The following SLC35F4 variants were observed in gnomAD, a reference collection of about 807,000 sequenced individuals.
The protein encoded by SLC35F4 is chromosome 14 open reading frame 36.
In SLC35F4, 24 loss-of-function variants were observed where a neutral mutation model predicts 44.2. The ratio of observed to expected loss-of-function variants is 0.54; its 90% CI spans 0.39 to 0.76. The LOEUF (loss-of-function observed/expected upper bound fraction) is 0.76. SLC35F4 is among the 30% of genes least tolerant of loss of function. The pLI, the probability that SLC35F4 is intolerant of heterozygous loss-of-function variation, is 0.00. For synonymous variants in SLC35F4, 238 were observed against 223.6 expected (o/e 1.06, Z -0.57); for missense variants, 562 against 586.1 (o/e 0.96, Z 0.42).
Position 57,564,009 on chromosome 14 carries a change from G to T in SLC35F4, c.*126C>A. On this transcript the variant is annotated 3_prime_UTR_variant, in exon 8 of 8. Coordinates refer to ENST00000556826, the MANE Select transcript of SLC35F4 (RefSeq NM_001306087.2). ...CATATAAATGTAAACTTTTATTGTT[G>T]GCATTATTTCACATATGATTTATCC... The T allele has an allele frequency of 1.0e-6, 1 of 1,002,126 alleles. No homozygotes were observed. Among genetic ancestry groups the T allele is most frequent in the Non-Finnish European group, 1.4e-6 (1 of 702,264 alleles). The allele number at this position is 1,002,126 out of a possible 1,614,324, so 62.1% of individuals were successfully genotyped here.
intron 1 of SLC35F4, among the ~76,000 whole-genome samples, chr14:57,876,017 C>T (rs1366419293): frequency 6.6e-6 from 1 of 152,132 alleles, no homozygotes; most frequent in Non-Finnish European, 1.5e-5. Context: ...CTTCATTAAG[C>T]AAAATCTGGC....
rs777235868 is a variant in SLC35F4 at position 57,589,401 on chromosome 14, G to A, written c.402C>T (p.Ile134=). ...CCCAAGATGATGATACTGACAAGAT[G>A]ATCAAGAGTCCCCAGATGCCCTTCA... ...MVLKGIWGLL[I]ILSVSSSWVG... is the part of the protein sequence containing the mutation. The change falls in exon 3 of 8, where the codon ATC becomes ATT. Residue 134 remains isoleucine, a synonymous_variant. Transcript: ENST00000556826. 3 of 1,613,990 alleles carry A rather than the reference G, an allele frequency of 1.9e-6. No homozygotes were observed. Among genetic ancestry groups the A allele is most frequent in the Admixed American group, 3.3e-5 (2 of 60,016 alleles).
At chr14:57,720,725 C>A (rs1049751295) in intron 1 of SLC35F4, among the ~76,000 whole-genome samples, 2 of 151,766 alleles carry the variant, frequency 1.3e-5, no homozygotes, top group Admixed American at 6.6e-5. Context: ...AAAGACAGAC[C>A]CATTGTTAAT....
At chr14:57,650,435 C>T (rs2073737403) in intron 1 of SLC35F4, among the ~76,000 whole-genome samples, 1 of 152,144 alleles carries the variant, frequency 6.6e-6, no homozygotes, top group South Asian at 2.1e-4. Flanking sequence ...GTATTCTTCT[C>T]CCACACCCCT....
chr14:57,622,460 A>G (rs2072235089), intron 1 of SLC35F4, among the ~76,000 whole-genome samples: 1 of 149,360 alleles, frequency 6.7e-6, no homozygotes, highest in Admixed American at 6.8e-5. Flanking sequence ...AAAATGTGGC[A>G]CATATACACC....
intron 1 of SLC35F4, among the ~76,000 whole-genome samples, chr14:57,939,215 G>C (rs17093975): frequency 0.097 from 14,754 of 152,144 alleles, 1,230 homozygotes; most frequent in African/African-American, 0.22. Flanking sequence ...TGAGATTCTG[G>C]CGTGGAAGGG....
chr14:57,882,137 A>G (rs866203375), intron 1 of SLC35F4, among the ~76,000 whole-genome samples: 3 of 152,124 alleles, frequency 2.0e-5, no homozygotes, highest in African/African-American at 7.2e-5. Context: ...ATGACTCTGA[A>G]GAGGACATGC....
Position 57,906,201 on chromosome 14 carries a change from A to G in SLC35F4, n.282+75712T>C, listed in dbSNP as rs145286809. Among the ~76,000 whole-genome samples, 817 of 152,330 alleles carry G rather than the reference A, an allele frequency of 5.4e-3. 11 individuals carry two copies. Among genetic ancestry groups the G allele is most frequent in the Non-Finnish European group, 5.9e-3 (400 of 68,024 alleles). On this transcript the variant is annotated intron_variant and non_coding_transcript_variant, in intron 1 of 1. Coordinates refer to the SLC35F4 transcript ENST00000556568. ...AAATTCAGAGAGTGCAGAAATAATA[A>G]AAACAGAAGGTAGAAGTCCACCATA...
intron 1 of SLC35F4, among the ~76,000 whole-genome samples, chr14:57,716,880 C>T (rs555193008): frequency 1.3e-4 from 19 of 147,956 alleles, no homozygotes; most frequent in Middle Eastern, 3.5e-3. Flanking sequence ...TATTCCCCTA[C>T]CTGCTTCCAG....
At chr14:57,674,023 T>A (rs1201382211) in intron 1 of SLC35F4, among the ~76,000 whole-genome samples, 4 of 152,072 alleles carry the variant, frequency 2.6e-5, no homozygotes, top group Non-Finnish European at 5.9e-5. Context: ...TTCAGTGTCA[T>A]TAAGTAATTA....
rs79513914 is a variant in SLC35F4 at position 57,927,089 on chromosome 14, C to A, written n.282+54824G>T. ...CATATGTGACCTGCCTCAGAGATGG[C>A]CCCTGCAAGTGACACCCCACTGACA... On this transcript the variant is annotated intron_variant and non_coding_transcript_variant, in intron 1 of 1. Coordinates refer to the SLC35F4 transcript ENST00000556568. Among the ~76,000 whole-genome samples the A allele has an allele frequency of 3.1e-3, 468 of 152,314 alleles. 3 individuals carry two copies. Among genetic ancestry groups the A allele is most frequent in the African/African-American group, 0.01 (424 of 41,574 alleles).
At chr14:57,607,612 C>T (rs2071239239) in intron 1 of SLC35F4, among the ~76,000 whole-genome samples, 1 of 152,234 alleles carries the variant, frequency 6.6e-6, no homozygotes, top group Non-Finnish European at 1.5e-5. Flanking sequence ...TAACACCAAT[C>T]TCGGCCAATG....
downstream of SLC35F4, among the ~76,000 whole-genome samples, chr14:57,972,799 T>G (rs1184908466): frequency 2.0e-5 from 3 of 152,138 alleles, no homozygotes; most frequent in Non-Finnish European, 4.4e-5. Context: ...TCCCCTCCAT[T>G]CTCGTACCTT....
chr14:57,793,391 A>G (rs2077976310), intron 1 of SLC35F4, among the ~76,000 whole-genome samples: 2 of 151,672 alleles, frequency 1.3e-5, no homozygotes, highest in South Asian at 4.2e-4. Context: ...CCCTCACCAC[A>G]CTCTTACCCT....
chr14:57,581,126 C>T (rs1178265401), intron 4 of SLC35F4, 88 bp downstream of exon 4: 1 of 1,335,688 alleles, frequency 7.5e-7, no homozygotes, highest in Non-Finnish European at 9.9e-7. Flanking sequence ...TTTACAGCAA[C>T]TCCACGAAAC....
At chr14:57,879,312 C>T (rs1206930426) in intron 1 of SLC35F4, among the ~76,000 whole-genome samples, 2 of 152,062 alleles carry the variant, frequency 1.3e-5, no homozygotes, top group Non-Finnish European at 2.9e-5. Context: ...AAATACACTG[C>T]TCTTGGGGGT....
chr14:57,657,463 T>C (rs73303884), intron 1 of SLC35F4, among the ~76,000 whole-genome samples: 3,951 of 152,248 alleles, frequency 0.026, 164 homozygotes, highest in African/African-American at 0.089. Context: ...TAATATTTTT[T>C]ATTTCTGGCA....
chr14:57,667,140 C>T (rs7151368), intron 1 of SLC35F4, among the ~76,000 whole-genome samples: 20,431 of 151,034 alleles, frequency 0.14, 1,698 homozygotes, highest in African/African-American at 0.22. Flanking sequence ...ACTACTATAC[C>T]CACTCACAGA....
At chr14:57,725,466 C>T (rs113515654) in intron 1 of SLC35F4, among the ~76,000 whole-genome samples, 6 of 152,314 alleles carry the variant, frequency 3.9e-5, no homozygotes, top group East Asian at 1.9e-4. Context: ...ACTCCAGATA[C>T]GGGTTTGCCT....
Sources: allele counts gnomAD v4.1 joint callset (sites outside exome capture counted in the v4.1 genomes callset), GRCh38; gene constraint gnomAD v4.1.1; transcripts MANE v1.5; gene names NCBI Gene and HGNC (gene_info 2026-07-23, HGNC 2026-07-21).